Variants in GALNT17 observed in about 807,000 individuals in gnomAD.
GALNT17 encodes UDP-GalNAc:polypeptide N-acetylgalactosaminyltransferase-like 3.
In GALNT17, 29 loss-of-function variants were observed where a neutral mutation model predicts 63.7. The observed-to-expected ratio is 0.46, with a 90% CI of 0.34 to 0.62. GALNT17 has a LOEUF of 0.62. Ranked by LOEUF, GALNT17 falls within the 20% of genes least tolerant of loss-of-function variation. GALNT17 has a pLI of 0.01. For missense variants in GALNT17, 603 were observed against 799.6 expected (o/e 0.75, Z 2.97); for synonymous variants, 305 against 318.3 (o/e 0.96, Z 0.45).
intron 1 of GALNT17, among the ~76,000 whole-genome samples, chr7:71,323,847 A>G (rs1464307964): frequency 6.6e-6 from 1 of 152,254 alleles, no homozygotes; most frequent in Non-Finnish European, 1.5e-5. Flanking sequence ...GCAAGACACA[A>G]AGATGCCTTC....
chr7:71,495,003 G>A (rs927723142), intron 5 of GALNT17, among the ~76,000 whole-genome samples: 3 of 152,212 alleles, frequency 2.0e-5, no homozygotes, highest in African/African-American at 7.2e-5. Context: ...AGGTGCAGTG[G>A]CTCATGCCTG....
At chr7:71,394,517 C>T (rs1793104305) in intron 3 of GALNT17, among the ~76,000 whole-genome samples, 6 of 152,160 alleles carry the variant, frequency 3.9e-5, no homozygotes. Flanking sequence ...GACAGTTTCC[C>T]ATTGGAATTG....
intron 6 of GALNT17, among the ~76,000 whole-genome samples, chr7:71,621,921 A>G (rs1790301139): frequency 6.6e-6 from 1 of 152,110 alleles, no homozygotes; most frequent in African/African-American, 2.4e-5. Flanking sequence ...AATTTTTTTC[A>G]TTTGTCACCA....
chr7:71,318,941 G>T (rs982445488), intron 1 of GALNT17, among the ~76,000 whole-genome samples: 1 of 152,116 alleles, frequency 6.6e-6, no homozygotes, highest in Non-Finnish European at 1.5e-5. Context: ...CCCATTGTAC[G>T]CATGTGAGTT....
At chr7:71,370,042 A>G (rs558417883) in intron 2 of GALNT17, among the ~76,000 whole-genome samples, 3 of 152,236 alleles carry the variant, frequency 2.0e-5, no homozygotes, top group Admixed American at 6.5e-5. Context: ...ACAAGTGGGT[A>G]TTAGTGAATG....
chr7:71,626,547 G>A (rs1790379374), intron 6 of GALNT17, among the ~76,000 whole-genome samples: 1 of 152,148 alleles, frequency 6.6e-6, no homozygotes, highest in African/African-American at 2.4e-5. Flanking sequence ...TTACCTCTTT[G>A]TTTTCAAGAT....
At chr7:71,151,583 T>TG (rs1210618138) in intron 1 of GALNT17, among the ~76,000 whole-genome samples, 1 of 144,658 alleles carries the variant, frequency 6.9e-6, no homozygotes, top group African/African-American at 2.6e-5. Context: ...ATCGCGCCAC[T>TG]CACTCCAGCC....
intron 6 of GALNT17, among the ~76,000 whole-genome samples, chr7:71,623,762 A>G (rs1363786675): frequency 6.6e-6 from 1 of 152,136 alleles, no homozygotes; most frequent in Non-Finnish European, 1.5e-5. Flanking sequence ...TTCTCCTGGC[A>G]TGAAGGTGCT....
At chr7:71,260,138 C>T (rs1375301943) in intron 1 of GALNT17, among the ~76,000 whole-genome samples, 1 of 152,140 alleles carries the variant, frequency 6.6e-6, no homozygotes, top group Non-Finnish European at 1.5e-5. Flanking sequence ...GCTGATTTCT[C>T]CCTAACTGCT....
At chr7:71,361,829 C>G (rs926663359) in intron 2 of GALNT17, among the ~76,000 whole-genome samples, 1 of 151,980 alleles carries the variant, frequency 6.6e-6, no homozygotes, top group Admixed American at 6.6e-5. Context: ...AGAGAGTGGG[C>G]AGGCAGGAAG....
chr7:71,328,648 A>AT (rs5884832), intron 1 of GALNT17, among the ~76,000 whole-genome samples: 7,258 of 140,500 alleles, frequency 0.052, 313 homozygotes, highest in African/African-American at 0.12. Flanking sequence ...AATACCAGTG[A>AT]TTTTTTTTTT....
rs1466194961 is a variant in GALNT17 at position 71,132,381 on chromosome 7, C to CGTG, written c.-421_-420insTGG. ...GTGGGCGGGCGGCGATCCCTGAGTCCGGCACCTGTGCGCCGCTCCCTCTGT... is the reference window on the plus strand; with the variant it reads ...GTGGGCGGGCGGCGATCCCTGAGTCCGTGGGCACCTGTGCGCCGCTCCCTCTGT... On this transcript the variant is annotated 5_prime_UTR_variant, in exon 1 of 11. Coordinates refer to ENST00000333538, the MANE Select transcript of GALNT17 (RefSeq NM_022479.3). The CGTG allele has an allele frequency of 1.3e-5, 2 of 153,420 alleles. No individual in the cohort carries two copies. Among genetic ancestry groups the CGTG allele is most frequent in the African/African-American group, 4.8e-5 (2 of 41,500 alleles). The allele number at this position is 153,420 out of a possible 1,614,324, so 9.5% of individuals were successfully genotyped here.
At chr7:71,401,097 C>CTTTTT (rs544794124) in intron 3 of GALNT17, among the ~76,000 whole-genome samples, 3 of 140,068 alleles carry the variant, frequency 2.1e-5, no homozygotes, top group Admixed American at 1.4e-4. Context: ...TTTTCTTTTT[C>CTTTTT]TTTTTTTTTT....
chr7:71,550,244 G>A (rs1227351899), intron 5 of GALNT17, among the ~76,000 whole-genome samples: 2 of 152,124 alleles, frequency 1.3e-5, no homozygotes, highest in Middle Eastern at 3.4e-3. Flanking sequence ...AACTGGTTTA[G>A]CATATTACCT....
intron 1 of GALNT17, among the ~76,000 whole-genome samples, chr7:71,193,012 G>A (rs1788980985): frequency 1.3e-5 from 2 of 152,164 alleles, no homozygotes; most frequent in Admixed American, 1.3e-4. Context: ...TAAGTGGCAT[G>A]TGTGCACCCA....
intron 5 of GALNT17, among the ~76,000 whole-genome samples, chr7:71,546,259 G>A (rs1788983386): frequency 1.3e-5 from 2 of 151,314 alleles, no homozygotes; most frequent in Admixed American, 1.3e-4. Flanking sequence ...CTCCCTGGCT[G>A]AAGCAATGCT....
At chr7:71,623,996 A>T (rs9638299) in intron 6 of GALNT17, among the ~76,000 whole-genome samples, 3 of 152,184 alleles carry the variant, frequency 2.0e-5, no homozygotes, top group South Asian at 2.1e-4. Context: ...TCCCCCAGGA[A>T]GTCAAGGAAG....
intron 5 of GALNT17, among the ~76,000 whole-genome samples, chr7:71,500,722 ATC>A (rs1162810539): frequency 6.6e-6 from 1 of 151,930 alleles, no homozygotes; most frequent in African/African-American, 2.4e-5. Context: ...CTTTCCCCTT[ATC>A]TTTTAGATTC....
intron 1 of GALNT17, among the ~76,000 whole-genome samples, chr7:71,331,789 C>A (rs1012864356): frequency 5.3e-5 from 8 of 152,194 alleles, no homozygotes; most frequent in African/African-American, 1.9e-4. Context: ...GTAATAATAC[C>A]TTCCCCCTGA....
Sources: allele counts gnomAD v4.1 joint callset (sites outside exome capture counted in the v4.1 genomes callset), GRCh38; gene constraint gnomAD v4.1.1; transcripts MANE v1.5; gene names NCBI Gene and HGNC (gene_info 2026-07-23, HGNC 2026-07-21).